Variants in SCHIP1 observed in about 807,000 individuals in gnomAD.
The protein encoded by SCHIP1 is schwannomin interacting protein 1.
A neutral mutation model predicts 29.7 loss-of-function variants in SCHIP1; 8 were observed. The ratio of observed to expected loss-of-function variants is 0.27; its 90% CI spans 0.16 to 0.49. The LOEUF (loss-of-function observed/expected upper bound fraction) is 0.49, where lower values mean the gene tolerates loss of function less well. SCHIP1 is among the 20% of genes least tolerant of loss of function. SCHIP1 has a pLI of 0.99. For synonymous variants in SCHIP1, 76 were observed against 94.9 expected, an observed-to-expected ratio of 0.80 and a Z score of 1.16; for missense variants, 193 against 294.6, an observed-to-expected ratio of 0.66 and a Z score of 2.52.
chr3:159,680,787 C>A, the SCHIP1 span, among the ~76,000 whole-genome samples: 7 of 79,170 alleles, frequency 8.8e-5, no homozygotes, highest in African/African-American at 3.0e-4. Flanking sequence ...TTATTTATTA[C>A]AATAGTTAAT....
the SCHIP1 span, among the ~76,000 whole-genome samples, chr3:159,314,046 G>A: frequency 2.8e-4 from 43 of 152,276 alleles, no homozygotes; most frequent in East Asian, 7.3e-3. Flanking sequence ...CTTGTATAAA[G>A]TGATATCTGT....
the SCHIP1 span, among the ~76,000 whole-genome samples, chr3:159,693,578 C>T: frequency 2.6e-5 from 4 of 152,138 alleles, no homozygotes; most frequent in Non-Finnish European, 5.9e-5. Context: ...ATTGAAATAT[C>T]TATAAGACGA....
chr3:159,896,416 A>G (rs538046190), intron 6 of SCHIP1, among the ~76,000 whole-genome samples: 3 of 152,336 alleles, frequency 2.0e-5, no homozygotes, highest in African/African-American at 7.2e-5. Context: ...ATTTGTTGAT[A>G]AAAGTATCCC....
the SCHIP1 span, among the ~76,000 whole-genome samples, chr3:159,639,456 A>G: frequency 2.6e-5 from 4 of 152,012 alleles, no homozygotes; most frequent in Admixed American, 6.6e-5. Context: ...TAATTACTCA[A>G]TTCATTTACT....
the SCHIP1 span, among the ~76,000 whole-genome samples, chr3:159,636,994 G>A: frequency 2.0e-5 from 3 of 152,142 alleles, no homozygotes; most frequent in Non-Finnish European, 4.4e-5. Flanking sequence ...ATCTGAAACT[G>A]AGGGGAGTTA....
At chr3:159,757,689 G>A in the SCHIP1 span, among the ~76,000 whole-genome samples, 44 of 152,242 alleles carry the variant, frequency 2.9e-4, no homozygotes, top group South Asian at 1.9e-3. Context: ...CTCTGCTTTC[G>A]TGAGGAAGCC....
At chr3:159,634,045 T>C in the SCHIP1 span, among the ~76,000 whole-genome samples, 1 of 152,176 alleles carries the variant, frequency 6.6e-6, no homozygotes, top group Non-Finnish European at 1.5e-5. Context: ...TAACCAAAGA[T>C]TGTGACATAT....
the SCHIP1 span, among the ~76,000 whole-genome samples, chr3:159,673,515 C>T: frequency 6.6e-6 from 1 of 152,300 alleles, no homozygotes; most frequent in East Asian, 1.9e-4. Flanking sequence ...TTCCATATCT[C>T]TTGTCAGTAA....
At chr3:159,566,193 G>T in the SCHIP1 span, among the ~76,000 whole-genome samples, 272 of 152,270 alleles carry the variant, frequency 1.8e-3, 2 homozygotes, top group Admixed American at 0.016. Context: ...CCTGTCCTGT[G>T]AATTTAGGGA....
chr3:159,355,897 GA>G, the SCHIP1 span, among the ~76,000 whole-genome samples: 4 of 152,232 alleles, frequency 2.6e-5, no homozygotes, highest in African/African-American at 9.6e-5. Context: ...TTAGAAATTA[GA>G]AGTAGTTTAA....
At chr3:159,308,642 C>T in the SCHIP1 span, among the ~76,000 whole-genome samples, 1 of 152,118 alleles carries the variant, frequency 6.6e-6, no homozygotes, top group Non-Finnish European at 1.5e-5. Flanking sequence ...TACCATTTGA[C>T]CCAGCAATCC....
the SCHIP1 span, among the ~76,000 whole-genome samples, chr3:159,413,437 A>G: frequency 2.0e-5 from 3 of 152,188 alleles, no homozygotes; most frequent in East Asian, 5.8e-4. Context: ...TGAAACCATC[A>G]TAAGGCATAG....
chr3:159,506,298 C>A, the SCHIP1 span, among the ~76,000 whole-genome samples: 15 of 152,120 alleles, frequency 9.9e-5, no homozygotes, highest in African/African-American at 3.1e-4. Context: ...TATCCTTTGC[C>A]CACTTTTGGA....
At chr3:159,304,994 A>G in the SCHIP1 span, among the ~76,000 whole-genome samples, 1 of 151,268 alleles carries the variant, frequency 6.6e-6, no homozygotes, top group African/African-American at 2.4e-5. Flanking sequence ...GCTCATAGAG[A>G]TCTCTTCTTC....
At chr3:159,422,599 A>C in the SCHIP1 span, among the ~76,000 whole-genome samples, 4 of 152,178 alleles carry the variant, frequency 2.6e-5, no homozygotes, top group African/African-American at 4.8e-5. Context: ...GAGCCCTTCC[A>C]ATCACTGCCC....
At chr3:159,386,178 T>C in the SCHIP1 span, among the ~76,000 whole-genome samples, 5 of 152,174 alleles carry the variant, frequency 3.3e-5, no homozygotes, top group Admixed American at 6.5e-5. Context: ...GTCTTTATAG[T>C]AGCATGATTT....
At chr3:159,848,609 C>A (rs1712155920) in intron 1 of SCHIP1, among the ~76,000 whole-genome samples, 1 of 150,820 alleles carries the variant, frequency 6.6e-6, no homozygotes, top group Non-Finnish European at 1.5e-5. Flanking sequence ...TTTTTTTTTT[C>A]AAGTTCTAGA....
the SCHIP1 span, among the ~76,000 whole-genome samples, chr3:159,452,032 T>C: frequency 6.6e-6 from 1 of 152,148 alleles, no homozygotes; most frequent in Non-Finnish European, 1.5e-5. Context: ...AAGTGAATCA[T>C]ATGGGCCAAG....
At chr3:159,428,421 T>G in the SCHIP1 span, among the ~76,000 whole-genome samples, 1 of 152,068 alleles carries the variant, frequency 6.6e-6, no homozygotes, top group Non-Finnish European at 1.5e-5. Context: ...AAGACATTAA[T>G]GCAGCCAAAA....
Sources: gnomAD v4.1 joint callset for allele counts (sites outside exome capture counted in the v4.1 genomes callset) on GRCh38, gnomAD v4.1.1 for gene constraint, MANE v1.5 for transcripts, NCBI Gene and HGNC (gene_info 2026-07-23, HGNC 2026-07-21) for gene names.